TMEM50B: variants seen among roughly 807,000 people sequenced by gnomAD.
TMEM50B encodes the protein HCV p7-trans-regulated protein 3.
In TMEM50B, 14 loss-of-function variants were observed where a neutral mutation model predicts 23.4. The ratio of observed to expected loss-of-function variants is 0.60; its 90% CI spans 0.39 to 0.93. TMEM50B has a LOEUF of 0.93. TMEM50B is among the 40% of genes least tolerant of loss of function. The pLI is 0.00. For synonymous variants in TMEM50B, 64 were observed against 62.3 expected, an observed-to-expected ratio of 1.03 and a Z score of -0.13; for missense variants, 159 against 193.0, an observed-to-expected ratio of 0.82 and a Z score of 1.04.
At chr21:33,479,743 G>C (rs1030014031) in intron 1 of TMEM50B, 95 bp downstream of exon 1, 2 of 152,570 alleles carry the variant, frequency 1.3e-5, no homozygotes, top group Non-Finnish European at 2.9e-5. Flanking sequence ...AGGCCGGGCC[G>C]GACAGGGCCC....
At chr21:33,473,442 G>C (rs1260079113) in intron 1 of TMEM50B, among the ~76,000 whole-genome samples, 1 of 134,530 alleles carries the variant, frequency 7.4e-6, no homozygotes, top group Admixed American at 8.2e-5. Context: ...AAAAAAGTGA[G>C]ACTCTGTCTC....
intron 8 of TMEM50B, chr21:33,437,462 T>G (rs1460239929): frequency 6.5e-6 from 1 of 154,856 alleles, no homozygotes; most frequent in Non-Finnish European, 1.4e-5. Flanking sequence ...CCTAGTAATT[T>G]AAGATTTTGT....
intron 3 of TMEM50B, among the ~76,000 whole-genome samples, chr21:33,466,388 A>G (rs1256660561): frequency 6.6e-6 from 1 of 152,240 alleles, no homozygotes; most frequent in African/African-American, 2.4e-5. Flanking sequence ...ACATAAACTT[A>G]AAAATAATTT....
intron 8 of TMEM50B, chr21:33,436,849 C>T: frequency 1.2e-6 from 2 of 1,614,046 alleles, no homozygotes; most frequent in African/African-American, 2.7e-5. Flanking sequence ...CCCAACTCAG[C>T]CCATCTTAGA....
At chr21:33,472,150 A>G (rs13051901) in intron 1 of TMEM50B, among the ~76,000 whole-genome samples, 62,670 of 149,858 alleles carry the variant, frequency 0.42, 14,999 homozygotes, top group Non-Finnish European at 0.55. Flanking sequence ...TTGGGAGGCC[A>G]AGGCGGGGGG....
At chr21:33,474,390 A>T (rs1371027790) in intron 1 of TMEM50B, among the ~76,000 whole-genome samples, 1 of 152,024 alleles carries the variant, frequency 6.6e-6, no homozygotes, top group East Asian at 1.9e-4. Flanking sequence ...GTAAACAAAA[A>T]TTGAGATAAT....
intron 2 of TMEM50B, chr21:33,468,493 T>C (rs190494281): frequency 1.8e-5 from 5 of 276,436 alleles, no homozygotes; most frequent in Non-Finnish European, 3.4e-5. Context: ...TTAAGGATCT[T>C]AAAGTACTTA....
In TMEM50B at chr21:33,453,747, G is replaced by C. The variant is rs189955520; in HGVS notation, c.431+1980C>G. On this transcript the variant is annotated intron_variant, in intron 6 of 6. Coordinates refer to ENST00000542230, the MANE Select transcript of TMEM50B (RefSeq NM_006134.7). ...AGTTACTTAATGATTTATGGGGGATGGGGACAGAGGCAGATAAAATTTTAT... is the reference window on the plus strand; with the variant it reads ...AGTTACTTAATGATTTATGGGGGATCGGGACAGAGGCAGATAAAATTTTAT... Among the ~76,000 whole-genome samples, 26 of 152,170 alleles carry C rather than the reference G, an allele frequency of 1.7e-4. 1 individual carries two copies. Among genetic ancestry groups the C allele is most frequent in the Admixed American group, 1.7e-3 (26 of 15,264 alleles).
At position 33,455,958 on chromosome 21, in the gene TMEM50B, A is replaced by T; in HGVS notation, c.374-174T>A. On this transcript the variant is annotated intron_variant, in intron 5 of 6. Transcript: ENST00000542230. ...AAGAAAATGCCAATTTAATTCCCCCAAAGCAAAGGACTGCTCTTACTCTGG... is the reference window on the plus strand; with the variant it reads ...AAGAAAATGCCAATTTAATTCCCCCTAAGCAAAGGACTGCTCTTACTCTGG... 5.7e-6 allele frequency: 4 copies of T among 698,144 alleles called. No individual in the cohort carries two copies. The South Asian group carries it at 6.2e-5, about 11-fold the overall frequency. The allele number at this position is 698,144 out of a possible 1,614,324, so 43.2% of individuals were successfully genotyped here. A position where few individuals can be genotyped will look rare whatever the true frequency, so the allele number is the denominator to read the frequency against.
At chr21:33,455,655 A>G (rs2084162064) in intron 6 of TMEM50B, 72 bp downstream of exon 6, 2 of 1,255,810 alleles carry the variant, frequency 1.6e-6, no homozygotes, top group Middle Eastern at 1.9e-4. Context: ...TGTGTTCCAT[A>G]TATATGCTGC....
intron 6 of TMEM50B, among the ~76,000 whole-genome samples, chr21:33,454,552 C>T (rs1001113032): frequency 2.6e-5 from 4 of 152,158 alleles, no homozygotes; most frequent in African/African-American, 9.7e-5. Context: ...CCACCCACTT[C>T]AGCCTCCCAA....
chr21:33,470,254 T>G (rs2084300860), intron 1 of TMEM50B, among the ~76,000 whole-genome samples: 1 of 150,512 alleles, frequency 6.6e-6, no homozygotes, highest in South Asian at 2.1e-4. Flanking sequence ...GGTGGATCAT[T>G]TGAGGTCACG....
intron 1 of TMEM50B, among the ~76,000 whole-genome samples, chr21:33,477,693 C>T (rs1366310098): frequency 6.6e-6 from 1 of 150,766 alleles, no homozygotes. Context: ...GCCTGTAATC[C>T]CAGTTTACTT....
chr21:33,476,401 T>C (rs117086812), intron 1 of TMEM50B, among the ~76,000 whole-genome samples: 4,705 of 151,764 alleles, frequency 0.031, 95 homozygotes, highest in Middle Eastern at 0.044. Flanking sequence ...AATAAAAGAA[T>C]ATATGGAATC....
At chr21:33,436,994 T>C in intron 8 of TMEM50B, 1 of 1,612,440 alleles carries the variant, frequency 6.2e-7, no homozygotes, top group Non-Finnish European at 8.5e-7. Flanking sequence ...ACTGGCTCCC[T>C]GGAAGAGATC....
At position 33,466,917 on chromosome 21, in the gene TMEM50B, TAAA is replaced by T. The variant is rs908727485; in HGVS notation, c.212+90_212+92del. On this transcript the variant is annotated intron_variant, in intron 3 of 6. Transcript: ENST00000542230. The stretch of plus-strand genomic sequence containing the variant: ...TCATGTTAAAAAATAGTCTATCAAA[TAAA>T]TTAAAAAGTTATTCAAGAAAGCACT... 23 of 951,104 alleles carry T rather than the reference TAAA, an allele frequency of 2.4e-5. No homozygotes were observed. The African/African-American group carries it at 2.8e-4, about 12-fold the overall frequency. The allele number at this position is 951,104 out of a possible 1,614,324, so 58.9% of individuals were successfully genotyped here.
At chr21:33,473,494 T>C (rs1357338882) in intron 1 of TMEM50B, among the ~76,000 whole-genome samples, 11 of 149,456 alleles carry the variant, frequency 7.4e-5, no homozygotes, top group Non-Finnish European at 1.5e-4. Flanking sequence ...TCCCAAATTC[T>C]ATACCCAGCA....
intron 7 of TMEM50B, among the ~76,000 whole-genome samples, chr21:33,440,928 A>G (rs2084002988): frequency 6.6e-6 from 1 of 151,820 alleles, no homozygotes; most frequent in South Asian, 2.1e-4. Flanking sequence ...TAGTGTTTAA[A>G]TCACATAAAA....
downstream of TMEM50B, among the ~76,000 whole-genome samples, chr21:33,446,265 C>A (rs1463322042): frequency 7.0e-6 from 1 of 143,286 alleles, no homozygotes; most frequent in Non-Finnish European, 1.5e-5. Context: ...TTGAGACAGT[C>A]TTGCTCTGTT....
Sources: allele counts gnomAD v4.1 joint callset (sites outside exome capture counted in the v4.1 genomes callset), GRCh38; gene constraint gnomAD v4.1.1; transcripts MANE v1.5; gene names NCBI Gene and HGNC (gene_info 2026-07-23, HGNC 2026-07-21).